The following RANBP2 variants were observed in gnomAD, a reference collection of about 807,000 sequenced individuals.
RANBP2 encodes RAN binding protein 2, also known as E3 SUMO-protein ligase RanBP2.
RANBP2 carries 57 observed loss-of-function variants against 303.6 expected under a neutral mutation model. The ratio of observed to expected loss-of-function variants is 0.19; its 90% CI spans 0.15 to 0.23. The LOEUF (loss-of-function observed/expected upper bound fraction) is 0.23, where lower values mean the gene tolerates loss of function less well. Among genes scored for constraint, RANBP2 ranks in the 10% least tolerant of loss-of-function variants. The pLI is 1.00. For synonymous variants in RANBP2, 1,167 were observed against 1,301.5 expected, an observed-to-expected ratio of 0.90 and a Z score of 2.23; for missense variants, 3,138 against 3,780.8, an observed-to-expected ratio of 0.83 and a Z score of 4.46.
the RANBP2 span, among the ~76,000 whole-genome samples, chr2:109,689,290 C>A: frequency 6.6e-6 from 1 of 152,266 alleles, no homozygotes; most frequent in South Asian, 2.1e-4. Context: ...TGCAGACAGG[C>A]TTTTGGAAAG....
At chr2:109,344,419 A>G in the RANBP2 span, among the ~76,000 whole-genome samples, 1 of 152,170 alleles carries the variant, frequency 6.6e-6, no homozygotes, top group Non-Finnish European at 1.5e-5. Flanking sequence ...AGAAGCACAG[A>G]CTTCTCGTGA....
chr2:108,723,698 A>G (rs188117923), intron 1 of RANBP2, among the ~76,000 whole-genome samples: 1 of 152,208 alleles, frequency 6.6e-6, no homozygotes, highest in Non-Finnish European at 1.5e-5. Flanking sequence ...TTTAACATTT[A>G]TATAAATATA....
At chr2:109,690,929 G>T in the RANBP2 span, among the ~76,000 whole-genome samples, 31 of 152,210 alleles carry the variant, frequency 2.0e-4, no homozygotes, top group African/African-American at 7.2e-4. Flanking sequence ...CCTAGTCCTG[G>T]CTTTGTTTTG....
At chr2:108,753,186 T>C (rs781420502) in intron 13 of RANBP2, 27 bp downstream of exon 13, 20 of 1,611,480 alleles carry the variant, frequency 1.2e-5, no homozygotes, top group Non-Finnish European at 1.7e-5. Flanking sequence ...ATGAATTTAT[T>C]GGAGATGGGA....
the RANBP2 span, among the ~76,000 whole-genome samples, chr2:109,664,775 CA>C: frequency 6.6e-6 from 1 of 151,854 alleles, no homozygotes; most frequent in Non-Finnish European, 1.5e-5. Context: ...ACTAAAAACA[CA>C]AAAATTAGCT....
At chr2:109,678,785 A>G in the RANBP2 span, among the ~76,000 whole-genome samples, 1 of 152,018 alleles carries the variant, frequency 6.6e-6, no homozygotes, top group Admixed American at 6.6e-5. Flanking sequence ...AGGCTGCACG[A>G]GTGGCTGAAG....
chr2:109,464,641 T>G, the RANBP2 span, among the ~76,000 whole-genome samples: 1 of 152,152 alleles, frequency 6.6e-6, no homozygotes, highest in Non-Finnish European at 1.5e-5. Flanking sequence ...CTTCCAAGAC[T>G]TTTTTTAAAG....
the RANBP2 span, among the ~76,000 whole-genome samples, chr2:108,857,528 T>C: frequency 6.6e-6 from 1 of 152,230 alleles, no homozygotes; most frequent in African/African-American, 2.4e-5. Context: ...CTAAGGCTTG[T>C]TCTACCAAAG....
the RANBP2 span, among the ~76,000 whole-genome samples, chr2:109,272,250 G>A: frequency 6.6e-6 from 1 of 152,212 alleles, no homozygotes; most frequent in African/African-American, 2.4e-5. Flanking sequence ...GCTTGTCTAG[G>A]TGAAATCTCT....
At chr2:109,304,553 G>A in the RANBP2 span, among the ~76,000 whole-genome samples, 1 of 152,204 alleles carries the variant, frequency 6.6e-6, no homozygotes, top group African/African-American at 2.4e-5. Context: ...CTGGGTAAGA[G>A]TGGTTAACTC....
At chr2:109,173,558 GC>G in the RANBP2 span, among the ~76,000 whole-genome samples, 7 of 152,194 alleles carry the variant, frequency 4.6e-5, no homozygotes, top group Non-Finnish European at 1.0e-4. Flanking sequence ...AGCTCTAACA[GC>G]AGAGCTGGTG....
chr2:108,965,321 C>T, the RANBP2 span, among the ~76,000 whole-genome samples: 18 of 152,176 alleles, frequency 1.2e-4, no homozygotes, highest in African/African-American at 4.3e-4. Flanking sequence ...ACTAAAAATA[C>T]AAAAACAAAA....
chr2:109,398,955 C>G, the RANBP2 span: 4 of 1,602,724 alleles, frequency 2.5e-6, no homozygotes, highest in East Asian at 8.9e-5. Context: ...TAACATCCCG[C>G]GGGCCAGGGC....
At chr2:109,501,461 AG>A in the RANBP2 span, 1 of 753,102 alleles carries the variant, frequency 1.3e-6, no homozygotes, top group Non-Finnish European at 2.5e-6. Context: ...CAGCAGATGG[AG>A]ATTGTCTGTG....
the RANBP2 span, among the ~76,000 whole-genome samples, chr2:109,344,195 TAG>T: frequency 6.6e-6 from 1 of 152,168 alleles, no homozygotes; most frequent in Non-Finnish European, 1.5e-5. Context: ...GTGAACAGCA[TAG>T]TCTCTTCCTG....
In RANBP2 at chr2:108,758,292, A is replaced by G. The variant is rs974976574; in HGVS notation, c.2467-121A>G. 17 of 1,423,484 alleles carry G rather than the reference A, an allele frequency of 1.2e-5. No homozygotes were observed. The African/African-American group carries it at 2.1e-4, about 18-fold the overall frequency. 88.2% of individuals were successfully genotyped at this position (1,423,484 alleles called of 1,614,324 possible). A position where few individuals can be genotyped will look rare whatever the true frequency, so the allele number is the denominator to read the frequency against. On this transcript the variant is annotated intron_variant, in intron 17 of 28. Coordinates refer to ENST00000283195, the MANE Select transcript of RANBP2 (RefSeq NM_006267.5). ...AGCCTGGACGACAGATCGAGACACC[A>G]TCTCAAAAAAAAAAAAAAAAATCAG...
At chr2:109,255,420 A>AGTAT in the RANBP2 span, among the ~76,000 whole-genome samples, 1 of 152,306 alleles carries the variant, frequency 6.6e-6, no homozygotes, top group Non-Finnish European at 1.5e-5. Context: ...CTCAATGATC[A>AGTAT]GTATGAAGGT....
the RANBP2 span, among the ~76,000 whole-genome samples, chr2:108,845,022 A>G: frequency 6.6e-6 from 1 of 152,066 alleles, no homozygotes; most frequent in African/African-American, 2.4e-5. Flanking sequence ...CTGGGATTAC[A>G]GGCGTGAGCC....
chr2:109,403,127 TTC>T, the RANBP2 span, among the ~76,000 whole-genome samples: 2 of 152,228 alleles, frequency 1.3e-5, no homozygotes, highest in African/African-American at 4.8e-5. Context: ...CGTCTGTGGT[TTC>T]TATAGAAATG....
Sources: allele counts gnomAD v4.1 joint callset (sites outside exome capture counted in the v4.1 genomes callset), GRCh38; gene constraint gnomAD v4.1.1; transcripts MANE v1.5; gene names NCBI Gene and HGNC (gene_info 2026-07-23, HGNC 2026-07-21).